Variants in IFT81 observed in about 807,000 individuals in gnomAD.
The protein encoded by IFT81 is intraflagellar transport protein 81 homolog.
Under a neutral mutation model 102.6 loss-of-function variants are expected in IFT81, and 72 were observed. The ratio of observed to expected loss-of-function variants is 0.70; its 90% CI spans 0.58 to 0.85. The LOEUF (loss-of-function observed/expected upper bound fraction) is 0.85, where lower values mean the gene tolerates loss of function less well. IFT81 is among the 40% of genes least tolerant of loss of function. The pLI, the probability that IFT81 is intolerant of heterozygous loss-of-function variation, is 0.00. For synonymous variants in IFT81, 237 were observed against 242.7 expected, an observed-to-expected ratio of 0.98 and a Z score of 0.22; for missense variants, 723 against 787.3, an observed-to-expected ratio of 0.92 and a Z score of 0.98.
chr12:110,198,531 T>A (rs1898118064), intron 14 of IFT81, among the ~76,000 whole-genome samples: 1 of 152,182 alleles, frequency 6.6e-6, no homozygotes, highest in South Asian at 2.1e-4. Context: ...GTCTACATAA[T>A]ACTTTCAGAT....
Position 110,218,287 on chromosome 12 carries a change from A to T in IFT81, c.*61A>T. On this transcript the variant is annotated 3_prime_UTR_variant, in exon 19 of 19. Coordinates refer to ENST00000242591, the MANE Select transcript of IFT81 (RefSeq NM_014055.4). ...CACTAGCTATAAGCCTAATCTCATA[A>T]TGTATTTCTTTTTTGAAACTGATTT... The T allele has an allele frequency of 1.6e-6, 2 of 1,249,700 alleles. No homozygotes were observed. The highest frequency in any genetic ancestry group is 5.5e-5 in the East Asian group (2 of 36,612). 77.4% of individuals were successfully genotyped at this position (1,249,700 alleles called of 1,614,324 possible). A position where few individuals can be genotyped will look rare whatever the true frequency, so the allele number is the denominator to read the frequency against.
At chr12:110,175,654 T>C (rs1897002698) in intron 11 of IFT81, among the ~76,000 whole-genome samples, 1 of 152,226 alleles carries the variant, frequency 6.6e-6, no homozygotes, top group African/African-American at 2.4e-5. Flanking sequence ...ATATGTATAG[T>C]GTCTGCTTCA....
chr12:110,174,277 CAAAAAAAAAAAAAAA>C (rs61353726), intron 11 of IFT81, among the ~76,000 whole-genome samples: 116 of 35,284 alleles, frequency 3.3e-3, no homozygotes, highest in African/African-American at 0.01. Flanking sequence ...GACTCCGTCT[CAAAAAAAAAAAAAAA>C]AAAAAAAAAA....
At chr12:110,200,928 C>T (rs995387194) in intron 14 of IFT81, among the ~76,000 whole-genome samples, 5 of 151,256 alleles carry the variant, frequency 3.3e-5, no homozygotes, top group Middle Eastern at 3.4e-3. Flanking sequence ...CCAGCCTGGG[C>T]GACAGAGCAA....
chr12:110,163,198 G>A, intron 11 of IFT81, 133 bp downstream of exon 11: 1 of 669,012 alleles, frequency 1.5e-6, no homozygotes, highest in East Asian at 2.9e-5. Flanking sequence ...ATTTAAAACT[G>A]AAGAGTCTTT....
intron 11 of IFT81, among the ~76,000 whole-genome samples, chr12:110,173,937 T>C (rs1896909319): frequency 6.8e-6 from 1 of 147,374 alleles, no homozygotes; most frequent in Admixed American, 6.9e-5. Flanking sequence ...TCCCCCTCTG[T>C]GAGAAACACC....
At chr12:110,213,702 A>G (rs1297279926) in intron 18 of IFT81, among the ~76,000 whole-genome samples, 3 of 152,266 alleles carry the variant, frequency 2.0e-5, no homozygotes, top group Non-Finnish European at 2.9e-5. Flanking sequence ...TTGATTCACT[A>G]TTTACTGGTT....
intron 14 of IFT81, among the ~76,000 whole-genome samples, chr12:110,197,263 GATAGA>G (rs1898045170): frequency 7.0e-6 from 1 of 143,536 alleles, no homozygotes; most frequent in Non-Finnish European, 1.6e-5. Flanking sequence ...TAGATAGATA[GATAGA>G]TAGATAGATA....
chr12:110,132,073 G>T (rs1894195609), intron 4 of IFT81, among the ~76,000 whole-genome samples: 1 of 152,114 alleles, frequency 6.6e-6, no homozygotes. Context: ...GTACTTTTTT[G>T]TACCCTATAT....
Position 110,127,398 on chromosome 12 carries a change from A to G in IFT81, c.18A>G (p.Lys6=). Residue 6 remains lysine (K), a synonymous_variant, in exon 2 of 19, where the codon AAA becomes AAG. Coordinates refer to ENST00000242591, the MANE Select transcript of IFT81 (RefSeq NM_014055.4). Reference sequence around the variant, plus strand: ...ACCTAATTATGAGTGATCAAATTAAATTCATTATGGACAGTCTCAATAAGG... The same window carrying G: ...ACCTAATTATGAGTGATCAAATTAAGTTCATTATGGACAGTCTCAATAAGG... MSDQI[K]FIMDSLNKEP... The G allele has an allele frequency of 2.5e-6, 4 of 1,584,702 alleles. No homozygotes were observed. The highest frequency in any genetic ancestry group is 3.4e-6 in the Non-Finnish European group (4 of 1,169,416).
At chr12:110,140,659 C>T (rs1022586480) in intron 8 of IFT81, among the ~76,000 whole-genome samples, 4 of 152,062 alleles carry the variant, frequency 2.6e-5, no homozygotes, top group South Asian at 2.1e-4. Flanking sequence ...TAGATTTAAT[C>T]GAAAACCACA....
intron 10 of IFT81, among the ~76,000 whole-genome samples, chr12:110,148,565 T>G (rs1026339086): frequency 2.0e-5 from 3 of 151,806 alleles, no homozygotes. Flanking sequence ...AACCTCCGCC[T>G]CCCAGGTTCA....
intron 14 of IFT81, among the ~76,000 whole-genome samples, chr12:110,200,136 T>C (rs1187538962): frequency 6.6e-6 from 1 of 152,216 alleles, no homozygotes; most frequent in East Asian, 1.9e-4. Flanking sequence ...GAAAGGATGT[T>C]GCTCTGTCTT....
At chr12:110,130,096 A>G (rs1566100518) in intron 4 of IFT81, among the ~76,000 whole-genome samples, 2 of 152,160 alleles carry the variant, frequency 1.3e-5, no homozygotes, top group Non-Finnish European at 2.9e-5. Flanking sequence ...TTTTATCCAT[A>G]TATTTTGCTA....
At chr12:110,191,207 A>G (rs780460070) in intron 13 of IFT81, 159 bp downstream of exon 13, 7 of 636,396 alleles carry the variant, frequency 1.1e-5, no homozygotes, top group South Asian at 4.5e-5. Context: ...GTCTCACTCT[A>G]TTGCCCAGGC....
chr12:110,189,186 A>G (rs1441644413), intron 12 of IFT81, among the ~76,000 whole-genome samples: 1 of 152,038 alleles, frequency 6.6e-6, no homozygotes, highest in Non-Finnish European at 1.5e-5. Context: ...GGGGTTCCCT[A>G]GGCTTAGCCC....
intron 12 of IFT81, among the ~76,000 whole-genome samples, chr12:110,188,115 G>A (rs555159847): frequency 3.3e-5 from 5 of 152,078 alleles, no homozygotes; most frequent in Admixed American, 1.3e-4. Flanking sequence ...GGTGGATCAC[G>A]AGGTCAGGAG....
intron 11 of IFT81, among the ~76,000 whole-genome samples, chr12:110,174,693 T>C (rs1032822088): frequency 1.3e-5 from 2 of 152,206 alleles, no homozygotes; most frequent in African/African-American, 4.8e-5. Context: ...CATTTATAAA[T>C]GGTTACATTC....
intron 13 of IFT81, 80 bp from the exon 14 acceptor site, chr12:110,192,537 A>ATACAT (rs1284480460): frequency 1.3e-6 from 1 of 742,060 alleles, no homozygotes; most frequent in East Asian, 2.6e-5. Flanking sequence ...TTTAACACTG[A>ATACAT]AATTAATATC....
Sources: allele counts gnomAD v4.1 joint callset (sites outside exome capture counted in the v4.1 genomes callset), GRCh38; gene constraint gnomAD v4.1.1; transcripts MANE v1.5; gene names NCBI Gene and HGNC (gene_info 2026-07-23, HGNC 2026-07-21).